Variants in CUL1 observed in about 807,000 individuals in gnomAD.
CUL1 encodes cullin 1, also known as cullin-1.
Under a neutral mutation model 118.0 loss-of-function variants are expected in CUL1, and 24 were observed. The observed-to-expected ratio is 0.20, with a 90% CI of 0.15 to 0.29. CUL1 has a LOEUF of 0.29. Ranked by LOEUF, CUL1 falls within the 10% of genes least tolerant of loss-of-function variation. The pLI is 1.00. For synonymous variants in CUL1, 332 were observed against 340.4 expected, an observed-to-expected ratio of 0.98 and a Z score of 0.27; for missense variants, 361 against 933.8, an observed-to-expected ratio of 0.39 and a Z score of 7.99.
At chr7:148,742,621 T>G (rs899481724) in intron 2 of CUL1, among the ~76,000 whole-genome samples, 4 of 147,842 alleles carry the variant, frequency 2.7e-5, no homozygotes, top group Non-Finnish European at 5.9e-5. Flanking sequence ...TTTTTTGAGT[T>G]GGAGTCTCAC....
rs142047369 is a variant in CUL1, at chr7:148,781,770, C to T, written c.1084-2013C>T. Among the ~76,000 whole-genome samples, 512 of 152,258 alleles carry T rather than the reference C, an allele frequency of 3.4e-3. 6 individuals are homozygous for T. The highest frequency in any genetic ancestry group is 3.4e-3 in the Middle Eastern group (1 of 294). On this transcript the variant is annotated intron_variant, in intron 9 of 21. Transcript: ENST00000325222. ...CGTGTGGCAGGGAAGCCGTGCAGGCCGAGTGGTCAGGCTGCCAGGTGGGCA... is the reference window on the plus strand; with the variant it reads ...CGTGTGGCAGGGAAGCCGTGCAGGCTGAGTGGTCAGGCTGCCAGGTGGGCA...
chr7:148,765,188 C>T (rs1027913571), intron 7 of CUL1, among the ~76,000 whole-genome samples: 3 of 152,128 alleles, frequency 2.0e-5, no homozygotes, highest in South Asian at 4.2e-4. Context: ...TTCTGACTTA[C>T]GTGGTTTAAA....
chr7:148,798,165 G>A, intron 19 of CUL1, 146 bp downstream of exon 19: 1 of 569,370 alleles, frequency 1.8e-6, no homozygotes, highest in Non-Finnish European at 3.1e-6. Context: ...TGTGAGGTAG[G>A]CCTTTGATTC....
Position 148,730,036 on chromosome 7 carries a change from T to C in CUL1, c.-87T>C, listed in dbSNP as rs1347127960. On this transcript the variant is annotated 5_prime_UTR_variant, in exon 2 of 22. It removes an upstream start codon present in the reference 5' UTR. Transcript: ENST00000325222. The stretch of plus-strand genomic sequence containing the variant: ...TGAGCTGCTGTGAATAAATTTGGAA[T>C]GGTACTGTATATTTTCATCTAATGG... The C allele has an allele frequency of 2.1e-6, 3 of 1,410,502 alleles. No homozygotes were observed. The highest frequency in any genetic ancestry group is 1.5e-5 in the South Asian group (1 of 68,452). The allele number at this position is 1,410,502 out of a possible 1,614,324, so 87.4% of individuals were successfully genotyped here. A position where few individuals can be genotyped will look rare whatever the true frequency, so the allele number is the denominator to read the frequency against.
chr7:148,749,706 A>G lies in CUL1; in HGVS notation c.141-4270A>G, dbSNP rs962146947. Among the ~76,000 whole-genome samples the G allele has an allele frequency of 7.9e-5, 12 of 152,076 alleles. No homozygotes were observed. In the South Asian group the frequency reaches 2.3e-3, roughly 29 times the overall value. On this transcript the variant is annotated intron_variant, in intron 2 of 21. Coordinates refer to ENST00000325222, the MANE Select transcript of CUL1 (RefSeq NM_003592.3). ...TTGAGGCCAGTTGATAACCCCCACA[A>G]TGGCTTCAGAGTGTTCAAGTAAAAT...
At chr7:148,720,526 A>C (rs1798364954) in intron 1 of CUL1, among the ~76,000 whole-genome samples, 1 of 152,128 alleles carries the variant, frequency 6.6e-6, no homozygotes, top group Non-Finnish European at 1.5e-5. Context: ...GTCTTGGTAG[A>C]GGGAATGGGG....
intron 2 of CUL1, among the ~76,000 whole-genome samples, chr7:148,741,977 A>T (rs1799155796): frequency 6.6e-6 from 1 of 152,240 alleles, no homozygotes. Flanking sequence ...AATCAGGTCC[A>T]CAGATTCATG....
chr7:148,726,850 A>AAT (rs1554464088), intron 1 of CUL1, among the ~76,000 whole-genome samples: 7,024 of 148,388 alleles, frequency 0.047, 261 homozygotes, highest in Middle Eastern at 0.077. Context: ...AAAAAAAAAA[A>AAT]TTTTTTTTTA....
chr7:148,705,010 A>G (rs1797838629), intron 1 of CUL1, among the ~76,000 whole-genome samples: 1 of 152,210 alleles, frequency 6.6e-6, no homozygotes, highest in South Asian at 2.1e-4. Flanking sequence ...GTTGATGCAC[A>G]GGGTTAAATA....
intron 17 of CUL1, among the ~76,000 whole-genome samples, chr7:148,797,023 C>T (rs1801223511): frequency 6.6e-6 from 1 of 152,138 alleles, no homozygotes; most frequent in East Asian, 1.9e-4. Flanking sequence ...AGGCTGGTCC[C>T]TTGGATTTCA....
intron 7 of CUL1, among the ~76,000 whole-genome samples, chr7:148,764,767 AAAAC>A (rs1400334218): frequency 2.6e-5 from 4 of 152,248 alleles, no homozygotes; most frequent in Non-Finnish European, 4.4e-5. Context: ...TATAATCAGA[AAAAC>A]AAAATTACAC....
chr7:148,750,573 GTT>G (rs912823911), intron 2 of CUL1, among the ~76,000 whole-genome samples: 2 of 152,058 alleles, frequency 1.3e-5, no homozygotes, highest in Non-Finnish European at 2.9e-5. Flanking sequence ...CCTTGTGATA[GTT>G]TGCTCAGAAT....
intron 7 of CUL1, among the ~76,000 whole-genome samples, chr7:148,763,297 G>A (rs764213815): frequency 6.6e-6 from 1 of 152,144 alleles, no homozygotes; most frequent in African/African-American, 2.4e-5. Flanking sequence ...TCCCATAGAG[G>A]GGATTCATTT....
chr7:148,800,608 G>A lies in CUL1; in HGVS notation c.*26G>A, dbSNP rs756750924. 3 of 1,544,488 alleles carry A rather than the reference G, an allele frequency of 1.9e-6. No homozygotes were observed. Among genetic ancestry groups the A allele is most frequent in the Non-Finnish European group, 2.7e-6 (3 of 1,119,662 alleles). ...CCCTTCTGGAAGGGTCTGACTGTGT[G>A]ACCCGCAGCAAATAGTTCATGTTGG... On this transcript the variant is annotated 3_prime_UTR_variant, in exon 22 of 22. Transcript: ENST00000325222. The surrounding 1 kb of genome is among the most constrained non-coding windows in gnomAD (Gnocchi z 4.6).
intron 7 of CUL1, among the ~76,000 whole-genome samples, chr7:148,766,359 C>G (rs1254771513): frequency 1.3e-5 from 2 of 152,136 alleles, no homozygotes; most frequent in Non-Finnish European, 2.9e-5. Flanking sequence ...ATCCTGGCCT[C>G]GAGCAATCCT....
chr7:148,700,688 A>G (rs1585518346), intron 1 of CUL1, among the ~76,000 whole-genome samples: 3 of 152,232 alleles, frequency 2.0e-5, no homozygotes, highest in African/African-American at 7.2e-5. Flanking sequence ...TGGAGGTTTC[A>G]GGAGAGTGTT....
chr7:148,740,243 C>T (rs1265687434), intron 2 of CUL1, among the ~76,000 whole-genome samples: 4 of 151,984 alleles, frequency 2.6e-5, no homozygotes, highest in African/African-American at 4.8e-5. Flanking sequence ...TTAACAGAGA[C>T]AGGATTTCAC....
At chr7:148,728,781 C>T (rs1289944908) in intron 1 of CUL1, among the ~76,000 whole-genome samples, 1 of 152,142 alleles carries the variant, frequency 6.6e-6, no homozygotes, top group Non-Finnish European at 1.5e-5. Flanking sequence ...TTCAGACTTA[C>T]TCCTTAAGCA....
intron 1 of CUL1, among the ~76,000 whole-genome samples, chr7:148,712,641 C>T (rs752597303): frequency 1.4e-4 from 21 of 152,264 alleles, no homozygotes; most frequent in Non-Finnish European, 1.9e-4. Context: ...AAATGCTTAC[C>T]GTGTGTCAAG....
Sources: gnomAD v4.1 joint callset for allele counts (sites outside exome capture counted in the v4.1 genomes callset) on GRCh38, gnomAD v4.1.1 for gene constraint, Gnocchi (gnomAD v3.1) non-coding constraint, MANE v1.5 for transcripts, NCBI Gene and HGNC (gene_info 2026-07-23, HGNC 2026-07-21) for gene names.